Variants in PIP5K1B observed in about 807,000 individuals in gnomAD.
The protein encoded by PIP5K1B is phosphatidylinositol-4-phosphate 5-kinase type 1 beta.
PIP5K1B carries 42 observed loss-of-function variants against 67.0 expected under a neutral mutation model. That is an observed-to-expected ratio of 0.63 (90% confidence interval 0.49 to 0.81). PIP5K1B has a LOEUF of 0.81. PIP5K1B is among the 30% of genes least tolerant of loss of function. PIP5K1B has a pLI of 0.00. For synonymous variants in PIP5K1B, 214 were observed against 231.4 expected (o/e 0.92, Z 0.68); for missense variants, 459 against 646.3 (o/e 0.71, Z 3.14).
chr9:68,999,986 AAGGCAGCTTACTCTGAC>A (rs1434544804), intron 15 of PIP5K1B, among the ~76,000 whole-genome samples: 1 of 152,144 alleles, frequency 6.6e-6, no homozygotes, highest in Admixed American at 6.6e-5. Flanking sequence ...TCAGAGGTCA[AAGGCAGCTTACTCTGAC>A]AGGCCCAGCT....
At chr9:68,956,651 A>G (rs991827983) in intron 14 of PIP5K1B, among the ~76,000 whole-genome samples, 1 of 152,244 alleles carries the variant, frequency 6.6e-6, no homozygotes, top group Non-Finnish European at 1.5e-5. Context: ...ATATGTTGCT[A>G]GAGAATGTAT....
At chr9:68,723,695 G>GTTTTTTTTTTTTTTTTTTTTTTTTTTTTT (rs36021674) in intron 1 of PIP5K1B, among the ~76,000 whole-genome samples, 1 of 50,126 alleles carries the variant, frequency 2.0e-5, no homozygotes, top group Non-Finnish European at 3.6e-5. Flanking sequence ...GAAGTATTTG[G>GTTTTTTTTTTTTTTTTTTTTTTTTTTTTT]TTTTTTTTTT....
chr9:68,960,890 A>G (rs1481173459), intron 14 of PIP5K1B, among the ~76,000 whole-genome samples: 3 of 152,096 alleles, frequency 2.0e-5, no homozygotes, highest in Non-Finnish European at 4.4e-5. Context: ...GATTTCTCAT[A>G]ATCGTTGGTT....
At chr9:68,707,049 C>A (rs1827158402) in intron 1 of PIP5K1B, among the ~76,000 whole-genome samples, 1 of 152,126 alleles carries the variant, frequency 6.6e-6, no homozygotes, top group Admixed American at 6.5e-5. Flanking sequence ...TGGGAAAAAA[C>A]CTTAATCGGC....
chr9:68,857,913 GC>G (rs1236194753), intron 4 of PIP5K1B, among the ~76,000 whole-genome samples: 1 of 152,024 alleles, frequency 6.6e-6, no homozygotes, highest in East Asian at 1.9e-4. Flanking sequence ...AGGCTGGTCA[GC>G]ATCTCCCTTC....
At chr9:68,962,047 C>T (rs191156104) in intron 14 of PIP5K1B, among the ~76,000 whole-genome samples, 2 of 152,240 alleles carry the variant, frequency 1.3e-5, no homozygotes. Flanking sequence ...TAGGCTTTTC[C>T]CTCATTTTTA....
chr9:68,991,232 A>G lies in PIP5K1B; in HGVS notation c.1595A>G (p.Asn532Ser), dbSNP rs2297232. Residue 532 changes from asparagine (N) to serine (S), a missense_variant, in exon 15 of 16, where the codon AAT (asparagine) becomes AGT (serine). Asn to Ser is a conservative substitution (Grantham distance 46). This residue lies in a region of PIP5K1B where 169 missense variants were observed against 171.9 expected (regional missense o/e 0.98). Coordinates refer to ENST00000265382, the MANE Select transcript of PIP5K1B (RefSeq NM_003558.4). ...EPNTLEVQDD[N>S]ASVLDVYL Reference sequence around the variant, plus strand: ...AACACTCTGGAAGTGCAGGATGACAATGCTTCTGTGCTTGACGTCTATTTA... The same window carrying G: ...AACACTCTGGAAGTGCAGGATGACAGTGCTTCTGTGCTTGACGTCTATTTA... 3.8e-5 allele frequency: 61 copies of G among 1,604,480 alleles called. 1 individual carries two copies. The East Asian group carries it at 9.1e-4, about 24-fold the overall frequency.
In PIP5K1B at chr9:68,764,467, G is replaced by A. The variant is rs147989725; in HGVS notation, c.-86+21810G>A. ...CTGTAGTTCAATGAATGAGTTGGGA[G>A]TATAAAATTTGTCTCATGAAGTTGC... On this transcript the variant is annotated intron_variant, in intron 2 of 15. Transcript: ENST00000265382. Among the ~76,000 whole-genome samples the A allele has an allele frequency of 5.5e-4, 84 of 152,168 alleles. No individual in the cohort carries two copies. In the East Asian group the frequency reaches 0.01, roughly 19 times the overall value.
At chr9:68,938,085 G>T (rs1003267201) in intron 13 of PIP5K1B, among the ~76,000 whole-genome samples, 1 of 152,172 alleles carries the variant, frequency 6.6e-6, no homozygotes, top group African/African-American at 2.4e-5. Context: ...TTGATTTGGG[G>T]TAGAGAGTAC....
intron 13 of PIP5K1B, among the ~76,000 whole-genome samples, chr9:68,938,612 G>A (rs532603493): frequency 6.6e-5 from 10 of 152,268 alleles, no homozygotes; most frequent in African/African-American, 2.2e-4. Context: ...ATATTGTTAT[G>A]TGTGAATTTC....
At chr9:68,780,868 C>T in intron 2 of PIP5K1B, 1 of 1,614,228 alleles carries the variant, frequency 6.2e-7, no homozygotes, top group East Asian at 2.2e-5. Flanking sequence ...CTGTCAGATC[C>T]TGGTGTGTGT....
Position 68,797,336 on chromosome 9 carries a change from A to G in PIP5K1B, c.-85-21125A>G, listed in dbSNP as rs1587466660. On this transcript the variant is annotated intron_variant, in intron 2 of 15. Transcript: ENST00000265382. ...GTTAATAAGTGGATAGGCATTCCCC[A>G]GGGAGACAAGGGGTACATGATGAGT... Among the ~76,000 whole-genome samples the G allele has an allele frequency of 3.3e-5, 5 of 152,374 alleles. No homozygotes were observed. In the South Asian group the frequency reaches 1.0e-3, roughly 32 times the overall value.
rs148199096 is a variant in PIP5K1B, at chr9:68,913,290, G to C, written c.772-4258G>C. Among the ~76,000 whole-genome samples, 134 of 152,316 alleles carry C rather than the reference G, an allele frequency of 8.8e-4. 1 individual carries two copies. Among genetic ancestry groups the C allele is most frequent in the African/African-American group, 3.2e-3 (132 of 41,582 alleles). On this transcript the variant is annotated intron_variant, in intron 8 of 15. Transcript: ENST00000265382. ...TGCATTGTAACCTGAGTTTTGAATA[G>C]TAAATGCACAGGTACAGAATATACT... is the stretch of plus-strand genomic sequence containing the variant.
At chr9:68,729,095 A>T (rs1346971269) in intron 1 of PIP5K1B, among the ~76,000 whole-genome samples, 2 of 152,226 alleles carry the variant, frequency 1.3e-5, no homozygotes, top group Non-Finnish European at 2.9e-5. Flanking sequence ...TTCAATCATC[A>T]TTTAAAAATT....
chr9:68,961,564 G>T (rs371282420), intron 14 of PIP5K1B, among the ~76,000 whole-genome samples: 1 of 152,136 alleles, frequency 6.6e-6, no homozygotes, highest in African/African-American at 2.4e-5. Flanking sequence ...GGGCGATTTG[G>T]CTGGGCTGTG....
intron 2 of PIP5K1B, among the ~76,000 whole-genome samples, chr9:68,791,483 T>C (rs1176168002): frequency 2.0e-5 from 3 of 152,222 alleles, no homozygotes; most frequent in Non-Finnish European, 4.4e-5. Context: ...TCTTCATTGT[T>C]TGTTTCACTT....
chr9:68,996,765 C>T (rs573887023), intron 15 of PIP5K1B, among the ~76,000 whole-genome samples: 262 of 152,246 alleles, frequency 1.7e-3, no homozygotes, highest in African/African-American at 5.8e-3. Context: ...GAGAGAATAT[C>T]CTTTTATGAC....
At chr9:68,968,713 A>ATTTTTT (rs146620576) in intron 14 of PIP5K1B, among the ~76,000 whole-genome samples, 6 of 142,886 alleles carry the variant, frequency 4.2e-5, no homozygotes, top group African/African-American at 1.6e-4. Flanking sequence ...ATATATATAT[A>ATTTTTT]TATTTTTTTT....
intron 14 of PIP5K1B, among the ~76,000 whole-genome samples, chr9:68,987,133 T>C (rs935941112): frequency 1.3e-5 from 2 of 151,968 alleles, no homozygotes; most frequent in African/African-American, 2.4e-5. Context: ...ACGCCTGTAA[T>C]CTCATTTACT....
Sources: gnomAD v4.1 joint callset for allele counts (sites outside exome capture counted in the v4.1 genomes callset) on GRCh38, gnomAD v4.1.1 for gene constraint, gnomAD v4.1.1 regional missense constraint, MANE v1.5 for transcripts, NCBI Gene and HGNC (gene_info 2026-07-23, HGNC 2026-07-21) for gene names.